CLIC5: variants seen among roughly 807,000 people sequenced by gnomAD.
CLIC5 encodes the protein CLIC family member 5.
CLIC5 carries 20 observed loss-of-function variants against 24.7 expected under a neutral mutation model. The observed-to-expected ratio is 0.81, with a 90% CI of 0.57 to 1.18. CLIC5 has a LOEUF of 1.18. Among genes scored for constraint, CLIC5 ranks in the 50% most tolerant of loss-of-function variants. The pLI, the probability that CLIC5 is intolerant of heterozygous loss-of-function variation, is 0.00. For missense variants in CLIC5, 341 were observed against 326.1 expected, an observed-to-expected ratio of 1.05 and a Z score of -0.35; for synonymous variants, 159 against 135.6, an observed-to-expected ratio of 1.17 and a Z score of -1.20.
chr6:46,064,518 G>A (rs1762388068), intron 1 of CLIC5, among the ~76,000 whole-genome samples: 1 of 151,966 alleles, frequency 6.6e-6, no homozygotes, highest in South Asian at 2.1e-4. Context: ...CAAAATTGTA[G>A]CAAATCAAAT....
In CLIC5 at chr6:45,914,359, T is replaced by A. The variant is rs922351922; in HGVS notation, c.457A>T (p.Asn153Tyr). The A allele has an allele frequency of 1.2e-6, 2 of 1,602,008 alleles. No individual in the cohort carries two copies. The highest frequency in any genetic ancestry group is 1.7e-5 in the Admixed American group (1 of 59,656). ...KALKKLDDYL[N>Y]TPLPEEIDAN... ...TCAATCTCCTCTGGTAGAGGGGTGT[T>A]CAGGTAGTCATCCAATTTCTTTAGA... Residue 153 changes from asparagine to tyrosine, a missense_variant, in exon 5 of 6, where the codon AAC becomes TAC. Coordinates refer to ENST00000339561, the MANE Select transcript of CLIC5 (RefSeq NM_016929.5).
the CLIC5 span, among the ~76,000 whole-genome samples, chr6:46,095,121 G>A: frequency 6.6e-6 from 1 of 151,862 alleles, no homozygotes; most frequent in Non-Finnish European, 1.5e-5. Flanking sequence ...ACAGGGAGCA[G>A]TATCCCAAGG....
chr6:45,912,662 C>T, intron 5 of CLIC5: 1 of 1,533,550 alleles, frequency 6.5e-7, no homozygotes, highest in East Asian at 2.4e-5. Flanking sequence ...ACTCGGGTCT[C>T]CTGATCTTTG....
intron 1 of CLIC5, among the ~76,000 whole-genome samples, chr6:45,962,769 G>T (rs2127395269): frequency 6.6e-6 from 1 of 152,298 alleles, no homozygotes; most frequent in South Asian, 2.1e-4. Flanking sequence ...GCCTCTAAGT[G>T]AGCAGGATCC....
At chr6:45,934,792 A>G (rs1483885304) in intron 4 of CLIC5, among the ~76,000 whole-genome samples, 1 of 152,244 alleles carries the variant, frequency 6.6e-6, no homozygotes, top group Non-Finnish European at 1.5e-5. Context: ...AAAAACAAGG[A>G]TGGTAATTCT....
At position 46,079,156 on chromosome 6, in the gene CLIC5, A is replaced by G. The variant is rs79394655; in HGVS notation, c.540+547T>C. Among the ~76,000 whole-genome samples, 239 of 152,324 alleles carry G rather than the reference A, an allele frequency of 1.6e-3. 3 individuals are homozygous for G. The highest frequency in any genetic ancestry group is 5.3e-3 in the African/African-American group (221 of 41,586). On this transcript the variant is annotated intron_variant, in intron 1 of 5. Transcript: ENST00000185206. The stretch of plus-strand genomic sequence containing the variant: ...AAGGTTCTGTTTAGATATCGTAAGC[A>G]TTAAACATTAACACTGGTAGTGTCT...
chr6:45,912,260 GAGAT>G, intron 5 of CLIC5: 5 of 991,060 alleles, frequency 5.0e-6, no homozygotes, highest in Non-Finnish European at 6.0e-6. Flanking sequence ...GAAATCCAAA[GAGAT>G]AGGGGCCAAG....
intron 1 of CLIC5, among the ~76,000 whole-genome samples, chr6:46,065,814 T>G (rs952610929): frequency 6.6e-6 from 1 of 152,170 alleles, no homozygotes; most frequent in Non-Finnish European, 1.5e-5. Context: ...GATGGGAATG[T>G]GCCACATCAT....
upstream of CLIC5, chr6:46,080,407 G>C (rs908705407): frequency 3.3e-6 from 2 of 609,946 alleles, no homozygotes; most frequent in Admixed American, 3.0e-5. Context: ...ATTTACTGGA[G>C]AGTTTTATAA....
At chr6:46,070,764 G>A (rs759050984) in intron 1 of CLIC5, among the ~76,000 whole-genome samples, 3 of 151,860 alleles carry the variant, frequency 2.0e-5, no homozygotes, top group Non-Finnish European at 4.4e-5. Flanking sequence ...AACCCAAATA[G>A]CCAAGGCAAC....
At chr6:46,067,979 A>C (rs1581916165) in intron 1 of CLIC5, among the ~76,000 whole-genome samples, 1 of 152,298 alleles carries the variant, frequency 6.6e-6, no homozygotes, top group East Asian at 1.9e-4. Flanking sequence ...ATATAATTTA[A>C]GCTAAGGATC....
intron 6 of CLIC5, among the ~76,000 whole-genome samples, chr6:45,886,566 T>A (rs758329905): frequency 6.6e-6 from 1 of 152,162 alleles, no homozygotes; most frequent in Non-Finnish European, 1.5e-5. Flanking sequence ...GGGCGTTTGA[T>A]TTATGCTTTT....
intron 1 of CLIC5, among the ~76,000 whole-genome samples, chr6:46,005,917 AG>A (rs1766535874): frequency 6.7e-6 from 1 of 150,062 alleles, no homozygotes; most frequent in Non-Finnish European, 1.5e-5. Flanking sequence ...GTTGTTTATA[AG>A]CTACCTAGTT....
intron 1 of CLIC5, among the ~76,000 whole-genome samples, chr6:45,973,544 T>A (rs1438918290): frequency 1.3e-5 from 2 of 152,234 alleles, no homozygotes; most frequent in South Asian, 4.1e-4. Context: ...TCCCAATATA[T>A]ATAAAATGAA....
At chr6:46,016,988 C>T (rs367853601), upstream of CLIC5, among the ~76,000 whole-genome samples, 31 of 152,318 alleles carry the variant, frequency 2.0e-4, no homozygotes, top group East Asian at 7.7e-4. Context: ...TACTCTGTCA[C>T]GAACATTCTC....
chr6:45,962,809 G>T (rs945164195), intron 1 of CLIC5, among the ~76,000 whole-genome samples: 16 of 152,326 alleles, frequency 1.1e-4, no homozygotes, highest in Middle Eastern at 3.4e-3. Context: ...AACTAGCCTG[G>T]TCTGATGGTG....
intron 4 of CLIC5, among the ~76,000 whole-genome samples, chr6:45,935,707 C>T (rs1341019355): frequency 6.6e-6 from 1 of 152,168 alleles, no homozygotes; most frequent in African/African-American, 2.4e-5. Context: ...ATCCAGTTCC[C>T]TATCATCACC....
intron 1 of CLIC5, among the ~76,000 whole-genome samples, chr6:45,983,307 G>A (rs965427686): frequency 1.3e-5 from 2 of 152,098 alleles, no homozygotes; most frequent in Non-Finnish European, 2.9e-5. Flanking sequence ...TCTGGGACAG[G>A]GTGTGTGCTG....
rs112934480 is a variant in CLIC5, at chr6:45,924,330, ATACT to A, written c.407-9925_407-9922del. On this transcript the variant is annotated intron_variant, in intron 4 of 5. Coordinates refer to ENST00000339561, the MANE Select transcript of CLIC5 (RefSeq NM_016929.5). ...CAACCTTAAAGGTTGGGGGTGACTG[ATACT>A]TACACAGAATTCCCCAGATATGCTA... Among the ~76,000 whole-genome samples the A allele has an allele frequency of 6.3e-3, 952 of 152,286 alleles. 10 individuals are homozygous for A. The highest frequency in any genetic ancestry group is 0.021 in the African/African-American group (857 of 41,552).
Sources: allele counts gnomAD v4.1 joint callset (sites outside exome capture counted in the v4.1 genomes callset), GRCh38; gene constraint gnomAD v4.1.1; transcripts MANE v1.5; gene names NCBI Gene and HGNC (gene_info 2026-07-23, HGNC 2026-07-21).